The following ROBO1 variants were observed in gnomAD, a reference collection of about 807,000 sequenced individuals.
The protein encoded by ROBO1 is roundabout homolog 1.
A neutral mutation model predicts 195.9 loss-of-function variants in ROBO1; 149 were observed. The ratio of observed to expected loss-of-function variants is 0.76; its 90% CI spans 0.67 to 0.87. The LOEUF (loss-of-function observed/expected upper bound fraction) is 0.87, where lower values mean the gene tolerates loss of function less well. Ranked by LOEUF, ROBO1 falls within the 40% of genes least tolerant of loss-of-function variation. The pLI is 0.00. For missense variants in ROBO1, 1,933 were observed against 2,068.3 expected, an observed-to-expected ratio of 0.93 and a Z score of 1.27; for synonymous variants, 816 against 733.2, an observed-to-expected ratio of 1.11 and a Z score of -1.82.
intron 1 of ROBO1, among the ~76,000 whole-genome samples, chr3:79,645,787 A>G (rs1211741276): frequency 6.6e-6 from 1 of 152,132 alleles, no homozygotes; most frequent in Non-Finnish European, 1.5e-5. Context: ...CAGACCAAGA[A>G]AACAGAATAG....
rs192372726 is a variant in ROBO1 at position 78,755,154 on chromosome 3, A to C, written c.500-8254T>G. On this transcript the variant is annotated intron_variant, in intron 4 of 30. Transcript: ENST00000464233. ...AGTGTTCATTCTAGCTGCTCTGTGA[A>C]TGAAATGGAGAGGGAAGTAATAATG... Among the ~76,000 whole-genome samples the C allele has an allele frequency of 2.3e-3, 347 of 152,256 alleles. 2 individuals are homozygous for C. The highest frequency in any genetic ancestry group is 7.6e-3 in the African/African-American group (316 of 41,554).
intron 2 of ROBO1, among the ~76,000 whole-genome samples, chr3:79,310,176 T>C (rs1006512955): frequency 6.6e-6 from 1 of 152,156 alleles, no homozygotes; most frequent in African/African-American, 2.4e-5. Context: ...CCCAACCCTG[T>C]CAACACTACT....
chr3:79,607,444 A>G (rs1347642890), intron 1 of ROBO1, among the ~76,000 whole-genome samples: 1 of 151,784 alleles, frequency 6.6e-6, no homozygotes, highest in Non-Finnish European at 1.5e-5. Flanking sequence ...AGAGAAAGAC[A>G]TAAGACTAAC....
intron 3 of ROBO1, among the ~76,000 whole-genome samples, chr3:79,038,762 A>G (rs1488983253): frequency 1.3e-5 from 2 of 152,112 alleles, no homozygotes; most frequent in African/African-American, 4.8e-5. Flanking sequence ...GTACTAAATT[A>G]AATTCAAATG....
intron 1 of ROBO1, among the ~76,000 whole-genome samples, chr3:79,736,116 A>G (rs1703375924): frequency 6.6e-6 from 1 of 152,238 alleles, no homozygotes; most frequent in African/African-American, 2.4e-5. Flanking sequence ...AAGGAAATCA[A>G]TGACATCCTC....
chr3:79,495,149 A>G (rs1394900159), intron 2 of ROBO1, among the ~76,000 whole-genome samples: 1 of 152,214 alleles, frequency 6.6e-6, no homozygotes, highest in African/African-American at 2.4e-5. Flanking sequence ...TGAGTATTTA[A>G]TAAGCATTTT....
At chr3:79,689,053 T>A (rs574580389) in intron 1 of ROBO1, among the ~76,000 whole-genome samples, 1 of 151,956 alleles carries the variant, frequency 6.6e-6, no homozygotes, top group Non-Finnish European at 1.5e-5. Flanking sequence ...CCCCATTATA[T>A]CTTTAACTTA....
At chr3:79,317,291 C>T (rs1215551330) in intron 2 of ROBO1, among the ~76,000 whole-genome samples, 2 of 152,064 alleles carry the variant, frequency 1.3e-5, no homozygotes, top group African/African-American at 4.8e-5. Flanking sequence ...CAAGCAATAT[C>T]ACATCAATTC....
intron 2 of ROBO1, among the ~76,000 whole-genome samples, chr3:79,541,368 T>C (rs890248227): frequency 2.0e-5 from 3 of 152,044 alleles, no homozygotes; most frequent in Non-Finnish European, 4.4e-5. Flanking sequence ...AGCCAGTGTT[T>C]TGACACTGTA....
intron 2 of ROBO1, among the ~76,000 whole-genome samples, chr3:79,305,344 G>A (rs1404585332): frequency 2.0e-5 from 3 of 151,826 alleles, no homozygotes; most frequent in East Asian, 1.9e-4. Flanking sequence ...AAAATTAGCC[G>A]GGTGTGGTGG....
chr3:78,949,725 A>G (rs971443677), intron 3 of ROBO1, among the ~76,000 whole-genome samples: 1 of 152,150 alleles, frequency 6.6e-6, no homozygotes, highest in Non-Finnish European at 1.5e-5. Flanking sequence ...TGAACAGGCA[A>G]CCTACAGAAT....
intron 1 of ROBO1, among the ~76,000 whole-genome samples, chr3:79,699,008 A>G (rs1317808929): frequency 6.6e-6 from 1 of 151,094 alleles, no homozygotes; most frequent in Non-Finnish European, 1.5e-5. Flanking sequence ...TCATAACATC[A>G]ATTATGCACT....
At chr3:78,643,307 A>G (rs531269159) in intron 21 of ROBO1, among the ~76,000 whole-genome samples, 53 of 152,330 alleles carry the variant, frequency 3.5e-4, no homozygotes, top group Middle Eastern at 3.4e-3. Flanking sequence ...TATTTACAAA[A>G]ACAGGTGGCA....
intron 1 of ROBO1, among the ~76,000 whole-genome samples, chr3:79,709,160 ACATT>A (rs933460423): frequency 2.0e-5 from 3 of 152,172 alleles, no homozygotes; most frequent in African/African-American, 7.2e-5. Context: ...GTGTAAACAA[ACATT>A]CATGACTGAT....
chr3:78,742,732 T>A (rs2108262487), intron 5 of ROBO1, among the ~76,000 whole-genome samples: 1 of 152,310 alleles, frequency 6.6e-6, no homozygotes, highest in African/African-American at 2.4e-5. Flanking sequence ...GTAAATGATT[T>A]AAAAGTTATT....
At chr3:78,616,415 G>C (rs1300203912) in intron 27 of ROBO1, among the ~76,000 whole-genome samples, 1 of 152,004 alleles carries the variant, frequency 6.6e-6, no homozygotes, top group Non-Finnish European at 1.5e-5. Flanking sequence ...TATAGGCCTG[G>C]CCAAAATAAA....
intron 4 of ROBO1, among the ~76,000 whole-genome samples, chr3:78,763,157 A>T (rs901794474): frequency 2.0e-5 from 3 of 152,194 alleles, no homozygotes; most frequent in African/African-American, 7.2e-5. Context: ...AAAGACCGGC[A>T]ATTAAAATAT....
At chr3:79,301,699 A>T (rs1463928679) in intron 2 of ROBO1, among the ~76,000 whole-genome samples, 1 of 152,204 alleles carries the variant, frequency 6.6e-6, no homozygotes, top group African/African-American at 2.4e-5. Context: ...ATATATAGTA[A>T]ATACTCAAAA....
At chr3:79,433,057 T>A (rs529042677) in intron 2 of ROBO1, among the ~76,000 whole-genome samples, 129 of 152,328 alleles carry the variant, frequency 8.5e-4, no homozygotes, top group Non-Finnish European at 1.4e-3. Flanking sequence ...CATGTGCCGA[T>A]GTGTGGGTAT....
Sources: gnomAD v4.1 joint callset for allele counts (sites outside exome capture counted in the v4.1 genomes callset) on GRCh38, gnomAD v4.1.1 for gene constraint, MANE v1.5 for transcripts, NCBI Gene and HGNC (gene_info 2026-07-23, HGNC 2026-07-21) for gene names.